CELF2: variants seen among roughly 807,000 people sequenced by gnomAD.
CELF2 encodes the protein CUG triplet repeat RNA-binding protein 2.
CELF2 carries 8 observed loss-of-function variants against 62.6 expected under a neutral mutation model. That is an observed-to-expected ratio of 0.13 (90% CI 0.07 to 0.23). The LOEUF (loss-of-function observed/expected upper bound fraction) is 0.23. Among genes scored for constraint, CELF2 ranks in the 10% least tolerant of loss-of-function variants. CELF2 has a pLI of 1.00. For missense variants in CELF2, 333 were observed against 671.0 expected (o/e 0.50, Z 5.56); for synonymous variants, 258 against 250.0 (o/e 1.03, Z -0.30).
chr10:11,198,152 CT>C (rs1353013652), intron 2 of CELF2, among the ~76,000 whole-genome samples: 1 of 152,218 alleles, frequency 6.6e-6, no homozygotes. Context: ...TGTTCTAAGA[CT>C]GATGAAATGT....
the CELF2 span, among the ~76,000 whole-genome samples, chr10:10,754,880 A>C: frequency 6.6e-6 from 1 of 152,232 alleles, no homozygotes; most frequent in East Asian, 1.9e-4. Context: ...ATTCCTCAGC[A>C]GCAAGCCATC....
At chr10:10,553,908 A>G in the CELF2 span, among the ~76,000 whole-genome samples, 7 of 152,178 alleles carry the variant, frequency 4.6e-5, no homozygotes, top group Non-Finnish European at 1.0e-4. Context: ...GGTCGCACCC[A>G]ATGCCAAGTG....
At chr10:10,699,119 T>A in the CELF2 span, among the ~76,000 whole-genome samples, 3 of 152,292 alleles carry the variant, frequency 2.0e-5, no homozygotes, top group East Asian at 5.8e-4. Context: ...TCACAGAATT[T>A]TTTTGAGGAA....
chr10:11,105,936 G>A (rs1312879065), intron 1 of CELF2, among the ~76,000 whole-genome samples: 5 of 152,170 alleles, frequency 3.3e-5, no homozygotes, highest in Admixed American at 6.5e-5. Flanking sequence ...TATAGTGTCT[G>A]GTTCACTTAG....
chr10:10,582,631 C>T, the CELF2 span, among the ~76,000 whole-genome samples: 1 of 152,118 alleles, frequency 6.6e-6, no homozygotes, highest in Admixed American at 6.6e-5. Context: ...CTTTCTCAGA[C>T]TTTCAAGCAA....
intron 1 of CELF2, among the ~76,000 whole-genome samples, chr10:11,131,048 A>T (rs970315732): frequency 6.6e-6 from 1 of 152,250 alleles, no homozygotes; most frequent in African/African-American, 2.4e-5. Flanking sequence ...AAAATCTTGT[A>T]AAATAAATTT....
chr10:10,930,607 G>A (rs2065960649), intron 2 of CELF2, among the ~76,000 whole-genome samples: 2 of 152,124 alleles, frequency 1.3e-5, no homozygotes, highest in African/African-American at 4.8e-5. Flanking sequence ...CATTCTGTTT[G>A]TGGAAGCATT....
At chr10:10,739,354 G>A in the CELF2 span, among the ~76,000 whole-genome samples, 1 of 152,130 alleles carries the variant, frequency 6.6e-6, no homozygotes, top group African/African-American at 2.4e-5. Context: ...TCTTCCAAAT[G>A]TTTAAATATA....
chr10:10,624,766 G>T, the CELF2 span, among the ~76,000 whole-genome samples: 1 of 152,124 alleles, frequency 6.6e-6, no homozygotes, highest in East Asian at 1.9e-4. Context: ...TAAGACAGTC[G>T]TCCCAGGTTC....
rs1232566050 is a variant in CELF2 at position 11,306,139 on chromosome 10, T to C, written c.977-8000T>C. Reference sequence around the variant, plus strand: ...CAGCCACTGTGCGAGCAAGGTGAGGTGCACTTTGCAGCCTCCGTCTGGGAT... The same window carrying C: ...CAGCCACTGTGCGAGCAAGGTGAGGCGCACTTTGCAGCCTCCGTCTGGGAT... On this transcript the variant is annotated intron_variant, in intron 9 of 12. Coordinates refer to ENST00000633077, the MANE Select transcript of CELF2 (RefSeq NM_001326342.2). The surrounding 1 kb of genome is among the most constrained non-coding windows in gnomAD (Gnocchi z 4.4). Among the ~76,000 whole-genome samples the C allele has an allele frequency of 6.6e-6, 1 of 152,052 alleles. No individual in the cohort carries two copies. The highest frequency in any genetic ancestry group is 2.4e-5 in the African/African-American group (1 of 41,430).
chr10:10,622,442 C>CTACA, the CELF2 span, among the ~76,000 whole-genome samples: 7 of 151,622 alleles, frequency 4.6e-5, no homozygotes, highest in Admixed American at 2.0e-4. Flanking sequence ...GACCCCATCA[C>CTACA]TACATACATA....
the CELF2 span, among the ~76,000 whole-genome samples, chr10:10,520,113 T>C: frequency 6.6e-6 from 1 of 152,226 alleles, no homozygotes; most frequent in Non-Finnish European, 1.5e-5. Context: ...CATGGAAGAA[T>C]AAAACCTGCT....
At chr10:10,639,943 C>A in the CELF2 span, among the ~76,000 whole-genome samples, 1 of 152,088 alleles carries the variant, frequency 6.6e-6, no homozygotes, top group Non-Finnish European at 1.5e-5. Flanking sequence ...GAGGTCACAC[C>A]TTCCTGTCCT....
intron 2 of CELF2, chr10:10,944,442 A>C (rs1171205236): frequency 6.6e-6 from 1 of 152,600 alleles, no homozygotes; most frequent in Admixed American, 6.5e-5. Context: ...CTCTGAGTTA[A>C]GAAGGAAGCC....
chr10:10,884,881 A>G (rs554405388), intron 1 of CELF2, among the ~76,000 whole-genome samples: 2 of 152,338 alleles, frequency 1.3e-5, no homozygotes, highest in African/African-American at 4.8e-5. Flanking sequence ...TGGCATGCTT[A>G]TTGTGGCCTT....
At chr10:10,828,883 G>A (rs1376633041) in intron 1 of CELF2, among the ~76,000 whole-genome samples, 1 of 152,188 alleles carries the variant, frequency 6.6e-6, no homozygotes, top group Non-Finnish European at 1.5e-5. Context: ...AAGTGATGCT[G>A]AGCCTGGTTG....
chr10:11,181,198 T>G (rs186348614), intron 2 of CELF2, among the ~76,000 whole-genome samples: 1 of 152,218 alleles, frequency 6.6e-6, no homozygotes, highest in South Asian at 2.1e-4. Flanking sequence ...CTAAATATTT[T>G]GTTGGTAGCA....
At chr10:10,552,260 T>C in the CELF2 span, among the ~76,000 whole-genome samples, 1 of 152,212 alleles carries the variant, frequency 6.6e-6, no homozygotes, top group Non-Finnish European at 1.5e-5. Flanking sequence ...AGAAATTAAA[T>C]GGCAGCCCAT....
chr10:10,650,378 A>T, the CELF2 span, among the ~76,000 whole-genome samples: 1 of 152,314 alleles, frequency 6.6e-6, no homozygotes, highest in South Asian at 2.1e-4. Context: ...ATATCTTCCC[A>T]TTTGACTTAA....
Sources: allele counts gnomAD v4.1 joint callset (sites outside exome capture counted in the v4.1 genomes callset), GRCh38; gene constraint gnomAD v4.1.1; non-coding constraint Gnocchi (gnomAD v3.1); transcripts MANE v1.5; gene names NCBI Gene and HGNC (gene_info 2026-07-23, HGNC 2026-07-21).